RASSF5: variants seen among roughly 807,000 people sequenced by gnomAD.
RASSF5 encodes Ras association domain family member 5, also known as ras association domain-containing protein 5.
A neutral mutation model predicts 40.5 loss-of-function variants in RASSF5; 25 were observed. That is an observed-to-expected ratio of 0.62 (90% confidence interval 0.45 to 0.86). RASSF5 has a LOEUF of 0.86. RASSF5 is among the 40% of genes least tolerant of loss of function. RASSF5 has a pLI of 0.00. For missense variants in RASSF5, 521 were observed against 572.8 expected (o/e 0.91, Z 0.92); for synonymous variants, 246 against 252.4 (o/e 0.97, Z 0.24).
Position 206,523,884 on chromosome 1 carries a change from TA to T in RASSF5, c.458-14287del, listed in dbSNP as rs568556924. On this transcript the variant is annotated intron_variant, in intron 1 of 5. Transcript: ENST00000579436. ...TTTTATATATTATATATTTTATATA[TA>T]TTTTTCATGTAACATATATATTTTA... 1.2e-3 allele frequency among the ~76,000 whole-genome samples: 130 copies of T among 111,964 alleles called. 3 individuals carry two copies. The South Asian group carries it at 0.031, about 26-fold the overall frequency. 73.5% of individuals were successfully genotyped at this position (111,964 alleles called of 152,430 possible).
rs782230872 is a variant in RASSF5 at position 206,507,962 on chromosome 1, C to G, written c.360C>G (p.Gly120=). The change falls in exon 1 of 6, where the codon GGC becomes GGG. Residue 120 remains glycine (G), a synonymous_variant. Transcript: ENST00000579436. ...PQDPRVPAER[G]EGHCFAELVL... is the part of the protein sequence containing the mutation. ...ATCCCAGAGTCCCGGCGGAGCGAGGCGAGGGGCACTGCTTCGCCGAGTTGG... is the reference window on the plus strand; with the variant it reads ...ATCCCAGAGTCCCGGCGGAGCGAGGGGAGGGGCACTGCTTCGCCGAGTTGG... 1 of 1,534,286 alleles carries G rather than the reference C, an allele frequency of 6.5e-7. No homozygotes were observed. The highest frequency in any genetic ancestry group is 1.2e-5 in the South Asian group (1 of 82,674).
chr1:206,533,759 A>T (rs1412035758), intron 1 of RASSF5, among the ~76,000 whole-genome samples: 2 of 152,186 alleles, frequency 1.3e-5, no homozygotes, highest in East Asian at 3.8e-4. Flanking sequence ...TGTCTTAAAA[A>T]AAGAAAAAAA....
chr1:206,543,619 C>T (rs535087288), intron 2 of RASSF5: 71 of 152,108 alleles, frequency 4.7e-4, no homozygotes, highest in Non-Finnish European at 9.5e-4. Context: ...CCTGGTAGTG[C>T]TCAGCTAACT....
intron 1 of RASSF5, chr1:206,518,510 G>T (rs1321661754): frequency 7.5e-6 from 3 of 398,692 alleles, no homozygotes; most frequent in Admixed American, 4.4e-5. Flanking sequence ...ACCAGATCCT[G>T]CAGAGGTTCC....
intron 1 of RASSF5, among the ~76,000 whole-genome samples, chr1:206,510,509 G>C (rs782245020): frequency 6.6e-6 from 1 of 152,208 alleles, no homozygotes; most frequent in Non-Finnish European, 1.5e-5. Flanking sequence ...CGATATGATT[G>C]TTATTGTCCC....
At chr1:206,571,054 T>C (rs1668434803) in intron 2 of RASSF5, among the ~76,000 whole-genome samples, 1 of 152,232 alleles carries the variant, frequency 6.6e-6, no homozygotes, top group Non-Finnish European at 1.5e-5. Context: ...CCACCAGCAA[T>C]GCACAGGGCT....
chr1:206,555,245 C>A (rs1667948147), intron 2 of RASSF5, among the ~76,000 whole-genome samples: 1 of 152,164 alleles, frequency 6.6e-6, no homozygotes, highest in Non-Finnish European at 1.5e-5. Flanking sequence ...TTCATGCTGA[C>A]TCCTGGGGTA....
At chr1:206,529,728 G>A in intron 1 of RASSF5, 2 of 599,768 alleles carry the variant, frequency 3.3e-6, no homozygotes, top group South Asian at 1.7e-5. Flanking sequence ...TGAGTTTTCT[G>A]TACATAAAAA....
At chr1:206,551,926 C>T (rs1419184411) in intron 2 of RASSF5, among the ~76,000 whole-genome samples, 3 of 152,350 alleles carry the variant, frequency 2.0e-5, no homozygotes, top group African/African-American at 7.2e-5. Flanking sequence ...ATCAGGGAGA[C>T]GGCTGTTGAT....
intron 1 of RASSF5, among the ~76,000 whole-genome samples, chr1:206,530,209 C>T (rs1268361892): frequency 3.3e-5 from 5 of 152,134 alleles, no homozygotes; most frequent in South Asian, 2.1e-4. Context: ...AACATGTGAC[C>T]TGCCTTCCAG....
At chr1:206,556,703 C>A (rs1181088521) in intron 2 of RASSF5, among the ~76,000 whole-genome samples, 1 of 152,202 alleles carries the variant, frequency 6.6e-6, no homozygotes, top group Non-Finnish European at 1.5e-5. Flanking sequence ...TTTGTGGTGA[C>A]CCTGCAGTTT....
chr1:206,571,414 G>A (rs1339858172), intron 2 of RASSF5: 1 of 152,108 alleles, frequency 6.6e-6, no homozygotes, highest in Non-Finnish European at 1.5e-5. Context: ...GTTGGCCTGG[G>A]ATGGGGTATT....
At chr1:206,578,043 C>CA (rs1668719678) in intron 2 of RASSF5, among the ~76,000 whole-genome samples, 1 of 150,658 alleles carries the variant, frequency 6.6e-6, no homozygotes, top group Non-Finnish European at 1.5e-5. Context: ...GGCAACATAG[C>CA]AAGGCACCTC....
rs1668354255 is a variant in RASSF5, at chr1:206,568,804, C to G, written c.580-14465C>G. Among the ~76,000 whole-genome samples the G allele has an allele frequency of 2.0e-5, 3 of 152,220 alleles. No individual in the cohort carries two copies. The South Asian group carries it at 6.2e-4, about 32-fold the overall frequency. On this transcript the variant is annotated intron_variant, in intron 2 of 5. Transcript: ENST00000579436. ...TGGAACTCTACATAAAGCTGAGGAACCCTTTGTTTAAACCATTCTTGTGCA... is the reference window on the plus strand; with the variant it reads ...TGGAACTCTACATAAAGCTGAGGAAGCCTTTGTTTAAACCATTCTTGTGCA...
At chr1:206,529,653 A>G (rs1667186342) in intron 1 of RASSF5, 4 of 761,264 alleles carry the variant, frequency 5.3e-6, no homozygotes, top group Admixed American at 3.4e-5. Flanking sequence ...TGTGGCTCAC[A>G]TCGCCAAATT....
chr1:206,531,447 GT>G lies in RASSF5; in HGVS notation c.458-6724del, dbSNP rs1553397932. Reference sequence around the variant, plus strand: ...CATCTTGGGGCCAGGTTGAGAGGCGGTATCCTAGCTGGGGGAGCTGGCAGGG... The same window carrying G: ...CATCTTGGGGCCAGGTTGAGAGGCGGATCCTAGCTGGGGGAGCTGGCAGGG... On this transcript the variant is annotated intron_variant, in intron 1 of 5. Transcript: ENST00000579436. The surrounding 1 kb of genome is among the most constrained non-coding windows in gnomAD (Gnocchi z 4.7). Among the ~76,000 whole-genome samples, 1 of 152,204 alleles carries G rather than the reference GT, an allele frequency of 6.6e-6. No homozygotes were observed. Among genetic ancestry groups the G allele is most frequent in the East Asian group, 1.9e-4 (1 of 5,198 alleles).
intron 2 of RASSF5, chr1:206,580,949 C>G (rs944779): frequency 0.45 from 68,671 of 152,016 alleles, 16,037 homozygotes; most frequent in Middle Eastern, 0.65. Flanking sequence ...TTTGGTTTAA[C>G]AGCTGCTCAT....
chr1:206,546,089 A>ATTTTTTTTTTTTTTTTTT (rs10603701), intron 2 of RASSF5, among the ~76,000 whole-genome samples: 6 of 48,236 alleles, frequency 1.2e-4, no homozygotes, highest in Non-Finnish European at 2.2e-4. Context: ...TTCTTTTTCT[A>ATTTTTTTTTTTTTTTTTT]TTTTTTTTTT....
intron 1 of RASSF5, among the ~76,000 whole-genome samples, chr1:206,525,980 C>G (rs1215104299): frequency 6.6e-6 from 1 of 152,164 alleles, no homozygotes; most frequent in African/African-American, 2.4e-5. Flanking sequence ...AGCTTCACCC[C>G]ACCTGTCCAG....
Sources: gnomAD v4.1 joint callset for allele counts (sites outside exome capture counted in the v4.1 genomes callset) on GRCh38, gnomAD v4.1.1 for gene constraint, Gnocchi (gnomAD v3.1) non-coding constraint, MANE v1.5 for transcripts, NCBI Gene and HGNC (gene_info 2026-07-23, HGNC 2026-07-21) for gene names.